CIRSR: variants seen among roughly 807,000 people sequenced by gnomAD.
CIRSR encodes the protein corepressor of RBPJ and splicing regulator.
At chr2:174,387,462 GTA>G in the CIRSR span, 1 of 423,374 alleles carries the variant, frequency 2.4e-6, no homozygotes, top group Non-Finnish European at 4.2e-6. Context: ...CTCAAAGACT[GTA>G]TATGAGTCAC....
chr2:174,364,068 A>C, the CIRSR span, among the ~76,000 whole-genome samples: 1 of 152,174 alleles, frequency 6.6e-6, no homozygotes, highest in South Asian at 2.1e-4. Context: ...TCTAAAATCA[A>C]AAGCAGGTTA....
the CIRSR span, among the ~76,000 whole-genome samples, chr2:174,350,424 T>C: frequency 6.6e-6 from 1 of 152,220 alleles, no homozygotes; most frequent in African/African-American, 2.4e-5. Context: ...AATTCTAAAT[T>C]AAACATTCTG....
the CIRSR span, chr2:174,379,087 T>A: frequency 7.8e-7 from 1 of 1,287,486 alleles, no homozygotes; most frequent in Non-Finnish European, 1.1e-6. Context: ...AGTAAGAATC[T>A]AACCAATGTT....
the CIRSR span, among the ~76,000 whole-genome samples, chr2:174,391,655 T>C: frequency 6.6e-6 from 1 of 152,116 alleles, no homozygotes; most frequent in Non-Finnish European, 1.5e-5. Flanking sequence ...AGAAAAACGA[T>C]GGAGTGAGAT....
chr2:174,393,420 A>G, the CIRSR span, among the ~76,000 whole-genome samples: 4 of 152,300 alleles, frequency 2.6e-5, no homozygotes, highest in South Asian at 2.1e-4. Flanking sequence ...TGGACTTTTT[A>G]TAAGCTTGGG....
At chr2:174,393,440 A>G in the CIRSR span, among the ~76,000 whole-genome samples, 1 of 152,174 alleles carries the variant, frequency 6.6e-6, no homozygotes, top group Admixed American at 6.5e-5. Flanking sequence ...GAAACTGAAA[A>G]CAAACAAGGA....
the CIRSR span, among the ~76,000 whole-genome samples, chr2:174,349,451 G>A: frequency 1.3e-5 from 2 of 151,194 alleles, no homozygotes; most frequent in Admixed American, 6.6e-5. Context: ...TGTAATCCCA[G>A]CTACTCAGGA....
the CIRSR span, among the ~76,000 whole-genome samples, chr2:174,394,294 C>T: frequency 1.3e-5 from 2 of 152,152 alleles, no homozygotes; most frequent in Admixed American, 1.3e-4. Flanking sequence ...CTAATCTCTT[C>T]ATTCTTGTAA....
At chr2:174,381,759 T>C in the CIRSR span, 2 of 1,595,862 alleles carry the variant, frequency 1.3e-6, no homozygotes, top group Non-Finnish European at 1.7e-6. Flanking sequence ...TCTTTACACG[T>C]TCATCTCCCA....
the CIRSR span, among the ~76,000 whole-genome samples, chr2:174,389,800 C>A: frequency 4.6e-5 from 7 of 152,268 alleles, no homozygotes; most frequent in East Asian, 1.4e-3. Context: ...TCGTGCCCTG[C>A]ATTCCAGCCA....
At chr2:174,374,431 CA>C in the CIRSR span, among the ~76,000 whole-genome samples, 1 of 152,166 alleles carries the variant, frequency 6.6e-6, no homozygotes, top group Non-Finnish European at 1.5e-5. Flanking sequence ...GATTGTAAAT[CA>C]GGGGTTGTGC....
At chr2:174,361,188 T>C in the CIRSR span, among the ~76,000 whole-genome samples, 1 of 152,232 alleles carries the variant, frequency 6.6e-6, no homozygotes, top group Non-Finnish European at 1.5e-5. Context: ...ATTTGCCTGT[T>C]TTAGGAGTTT....
chr2:174,385,684 C>G, the CIRSR span, among the ~76,000 whole-genome samples: 1 of 151,592 alleles, frequency 6.6e-6, no homozygotes, highest in Non-Finnish European at 1.5e-5. Context: ...GCCAATCTAA[C>G]AGAGCTCTCA....
the CIRSR span, chr2:174,395,531 C>T: frequency 6.2e-7 from 1 of 1,613,064 alleles, no homozygotes; most frequent in Non-Finnish European, 8.5e-7. Flanking sequence ...CCTAATCCCT[C>T]CCCGGGTCTG....
chr2:174,355,875 C>T, the CIRSR span, among the ~76,000 whole-genome samples: 1 of 152,184 alleles, frequency 6.6e-6, no homozygotes, highest in Non-Finnish European at 1.5e-5. Context: ...GGGAATGCCA[C>T]AAATGGCATA....
At chr2:174,348,642 G>A in the CIRSR span, 2 of 1,614,070 alleles carry the variant, frequency 1.2e-6, no homozygotes, top group South Asian at 2.2e-5. Flanking sequence ...CCGTTTCCTT[G>A]TCTCCCTTTG....
At chr2:174,370,609 C>T in the CIRSR span, among the ~76,000 whole-genome samples, 2 of 152,136 alleles carry the variant, frequency 1.3e-5, no homozygotes, top group Admixed American at 1.3e-4. Flanking sequence ...TGTGTTTAAG[C>T]ATCACAGAAA....
At chr2:174,351,703 C>T in the CIRSR span, 1 of 1,613,246 alleles carries the variant, frequency 6.2e-7, no homozygotes. Flanking sequence ...CCGCTATTAG[C>T]TCCGAGGGGT....
chr2:174,358,894 G>A, the CIRSR span, among the ~76,000 whole-genome samples: 1 of 151,612 alleles, frequency 6.6e-6, no homozygotes. Context: ...TGTATTTTTA[G>A]TAGAGATGAG....
Sources: gnomAD v4.1 joint callset for allele counts (sites outside exome capture counted in the v4.1 genomes callset) on GRCh38, gnomAD v4.1.1 for gene constraint, MANE v1.5 for transcripts, NCBI Gene and HGNC (gene_info 2026-07-23, HGNC 2026-07-21) for gene names.